PTPN13: variants seen among roughly 807,000 people sequenced by gnomAD.
The protein encoded by PTPN13 is protein tyrosine phosphatase non-receptor type 13.
A neutral mutation model predicts 284.0 loss-of-function variants in PTPN13; 191 were observed. The observed-to-expected ratio is 0.67, with a 90% CI of 0.60 to 0.76. The LOEUF (loss-of-function observed/expected upper bound fraction) is 0.76, where lower values mean the gene tolerates loss of function less well. PTPN13 is among the 30% of genes least tolerant of loss of function. The pLI is 0.00. For synonymous variants in PTPN13, 986 were observed against 1,022.3 expected, an observed-to-expected ratio of 0.96 and a Z score of 0.68; for missense variants, 2,797 against 2,939.9, an observed-to-expected ratio of 0.95 and a Z score of 1.12.
chr4:86,636,854 T>TA lies in PTPN13; in HGVS notation c.115+1491dup, dbSNP rs1369694580. ...GAGCAGAACTGAAGGAAATAGAGACTAAAAAAAACCCTTCAAAAAATTAAT... is the reference window on the plus strand; with the variant it reads ...GAGCAGAACTGAAGGAAATAGAGACTAAAAAAAAACCCTTCAAAAAATTAAT... On this transcript the variant is annotated intron_variant, in intron 2 of 47. Transcript: ENST00000411767. Among the ~76,000 whole-genome samples the TA allele has an allele frequency of 7.9e-5, 12 of 151,238 alleles. No homozygotes were observed. In the East Asian group the frequency reaches 1.2e-3, roughly 15 times the overall value.
At chr4:86,636,181 A>G (rs911723743) in intron 2 of PTPN13, among the ~76,000 whole-genome samples, 2 of 152,036 alleles carry the variant, frequency 1.3e-5, no homozygotes, top group Admixed American at 6.6e-5. Context: ...GAGGGAGGGG[A>G]AAAAAATCTG....
chr4:86,681,744 A>G (rs963792916), intron 3 of PTPN13, among the ~76,000 whole-genome samples: 1 of 152,190 alleles, frequency 6.6e-6, no homozygotes, highest in Admixed American at 6.5e-5. Context: ...CCTGGCCAAC[A>G]TGGCGAAACC....
At chr4:86,604,726 TA>T (rs1268434068) in intron 1 of PTPN13, among the ~76,000 whole-genome samples, 7 of 152,144 alleles carry the variant, frequency 4.6e-5, no homozygotes, top group African/African-American at 1.2e-4. Flanking sequence ...TAAATACATT[TA>T]TTTTTTTAAT....
At chr4:86,803,967 T>A in intron 43 of PTPN13, 110 bp downstream of exon 43, 1 of 1,201,804 alleles carries the variant, frequency 8.3e-7, no homozygotes, top group Non-Finnish European at 1.2e-6. Context: ...ATTTTCCAAC[T>A]CTAAAAGCAC....
rs145824097 is a variant in PTPN13 at position 86,760,172 on chromosome 4, C to T, written c.3553+1099C>T. ...ACACATATAAATAATATGTTACACA[C>T]TTGTTTACTGTGAGCAAACACAATC... On this transcript the variant is annotated intron_variant, in intron 23 of 47. Transcript: ENST00000411767. Among the ~76,000 whole-genome samples the T allele has an allele frequency of 4.7e-3, 723 of 152,236 alleles. 4 individuals carry two copies. Among genetic ancestry groups the T allele is most frequent in the African/African-American group, 0.016 (660 of 41,536 alleles).
Position 86,775,175 on chromosome 4 carries a change from A to G in PTPN13, c.5513A>G (p.Asn1838Ser). 5 of 1,585,242 alleles carry G rather than the reference A, an allele frequency of 3.2e-6. No individual in the cohort carries two copies. The highest frequency in any genetic ancestry group is 2.6e-6 in the Non-Finnish European group (3 of 1,169,590). Residue 1838 changes from asparagine (N) to serine (S), a missense_variant, in exon 34 of 48, where the codon AAT becomes AGT. By Grantham distance (46) the Asn-to-Ser change is conservative. Transcript: ENST00000411767. ...LKPGDRLIKVNDTDVTNMTHT... is the reference protein window; with the variant it reads ...LKPGDRLIKVSDTDVTNMTHT... ...GCCCCTTTCTTGTTTTTGTAGGTTAATGATACAGATGTTACTAATATGACT... is the reference window on the plus strand; with the variant it reads ...GCCCCTTTCTTGTTTTTGTAGGTTAGTGATACAGATGTTACTAATATGACT...
In PTPN13 at chr4:86,639,152, G is replaced by A. The variant is rs1723429638; in HGVS notation, c.115+3781G>A. Among the ~76,000 whole-genome samples the A allele has an allele frequency of 2.6e-5, 4 of 151,590 alleles. No homozygotes were observed. The South Asian group carries it at 6.3e-4, about 24-fold the overall frequency. On this transcript the variant is annotated intron_variant, in intron 2 of 47. Coordinates refer to ENST00000411767, the MANE Select transcript of PTPN13 (RefSeq NM_080683.3). The stretch of plus-strand genomic sequence containing the variant: ...ATACCATCTCACACCAGTTAGAATG[G>A]CAATCATTAAAAAGTCAGGAAACAA...
intron 2 of PTPN13, among the ~76,000 whole-genome samples, chr4:86,661,692 G>C (rs1726504342): frequency 6.6e-6 from 1 of 152,158 alleles, no homozygotes; most frequent in African/African-American, 2.4e-5. Flanking sequence ...GTCAAAGCCA[G>C]TTCCGCTCTG....
chr4:86,684,800 C>G (rs377519466), intron 3 of PTPN13, among the ~76,000 whole-genome samples: 9 of 152,070 alleles, frequency 5.9e-5, no homozygotes, highest in Admixed American at 4.6e-4. Context: ...ACAACAACAA[C>G]AAAAGCACAT....
intron 30 of PTPN13, among the ~76,000 whole-genome samples, chr4:86,770,930 C>G (rs925649611): frequency 1.3e-5 from 2 of 151,902 alleles, no homozygotes; most frequent in Non-Finnish European, 2.9e-5. Flanking sequence ...ATGGTAGAAC[C>G]CTAATTTTTG....
intron 7 of PTPN13, 99 bp from the exon 8 acceptor site, chr4:86,716,431 A>G: frequency 1.4e-6 from 1 of 711,896 alleles, no homozygotes; most frequent in Non-Finnish European, 2.3e-6. Flanking sequence ...AAAGCAATGT[A>G]TAAAATGTTT....
intron 15 of PTPN13, among the ~76,000 whole-genome samples, chr4:86,737,331 C>T (rs907143503): frequency 6.6e-6 from 1 of 151,952 alleles, no homozygotes; most frequent in Admixed American, 6.5e-5. Context: ...CAGCAATCAC[C>T]TCCACAGTCT....
intron 31 of PTPN13, among the ~76,000 whole-genome samples, chr4:86,772,121 TTTC>T (rs1367737123): frequency 4.6e-5 from 7 of 152,264 alleles, no homozygotes; most frequent in Admixed American, 2.6e-4. Context: ...TTTATTCTTC[TTTC>T]TTCTTTTCCT....
At chr4:86,670,247 A>C (rs920198715) in intron 2 of PTPN13, among the ~76,000 whole-genome samples, 1 of 141,150 alleles carries the variant, frequency 7.1e-6, no homozygotes, top group Non-Finnish European at 1.5e-5. Flanking sequence ...CAACTCCCAA[A>C]ATATATCTGC....
At chr4:86,632,658 CT>C (rs556341671) in intron 1 of PTPN13, among the ~76,000 whole-genome samples, 56 of 151,456 alleles carry the variant, frequency 3.7e-4, no homozygotes, top group African/African-American at 1.1e-3. Flanking sequence ...TCTTCTTTCC[CT>C]TCTCTCCTTT....
Position 86,733,339 on chromosome 4 carries a change from T to G in PTPN13, c.1858+573T>G, listed in dbSNP as rs547875724. ...GTTGCCATAGCAGTAAGAAACTTTT[T>G]GGAATTCATCTCCTTTTTAAATAAA... On this transcript the variant is annotated intron_variant, in intron 12 of 47. Coordinates refer to ENST00000411767, the MANE Select transcript of PTPN13 (RefSeq NM_080683.3). 3.2e-4 allele frequency among the ~76,000 whole-genome samples: 49 copies of G among 152,258 alleles called. 3 individuals carry two copies. In the South Asian group the frequency reaches 9.9e-3, roughly 31 times the overall value.
At chr4:86,721,677 C>T (rs1733661209) in intron 9 of PTPN13, among the ~76,000 whole-genome samples, 1 of 149,360 alleles carries the variant, frequency 6.7e-6, no homozygotes, top group South Asian at 2.2e-4. Context: ...ATTTCCTTCC[C>T]TTCCCCTCTC....
At position 86,769,829 on chromosome 4, in the gene PTPN13, G is replaced by A. The variant is rs535867974; in HGVS notation, c.4550G>A (p.Arg1517Gln). 36 of 1,613,314 alleles carry A rather than the reference G, an allele frequency of 2.2e-5. No individual in the cohort carries two copies. Among genetic ancestry groups the A allele is most frequent in the South Asian group, 7.7e-5 (7 of 91,026 alleles). ...NSSGLGFSFS[R>Q]EDNLIPEQIN... is the part of the protein sequence containing the mutation. Reference sequence around the variant, plus strand: ...TCAGGTCTAGGATTCAGTTTTTCTCGAGAAGATAATCTTATACCGGAGCAA... The same window carrying A: ...TCAGGTCTAGGATTCAGTTTTTCTCAAGAAGATAATCTTATACCGGAGCAA... The change falls in exon 29 of 48, where the codon CGA becomes CAA. Residue 1517 changes from arginine to glutamine, a missense_variant. By Grantham distance (43) the Arg-to-Gln change is conservative. Coordinates refer to ENST00000411767, the MANE Select transcript of PTPN13 (RefSeq NM_080683.3).
intron 4 of PTPN13, 36 bp downstream of exon 4, chr4:86,686,811 A>T (rs183754279): frequency 9.3e-6 from 13 of 1,405,024 alleles, no homozygotes; most frequent in Middle Eastern, 4.2e-4. Flanking sequence ...TACTTTTTAC[A>T]TATGTTCAAT....
Sources: allele counts gnomAD v4.1 joint callset (sites outside exome capture counted in the v4.1 genomes callset), GRCh38; gene constraint gnomAD v4.1.1; transcripts MANE v1.5; gene names NCBI Gene and HGNC (gene_info 2026-07-23, HGNC 2026-07-21).